CHLSN: variants seen among roughly 807,000 people sequenced by gnomAD.
The protein encoded by CHLSN is protein cholesin.
chr7:1,000,784 C>T, the CHLSN span, among the ~76,000 whole-genome samples: 5 of 152,218 alleles, frequency 3.3e-5, no homozygotes, highest in Admixed American at 3.3e-4. Flanking sequence ...CCACTCTTAC[C>T]TTGGCCACCC....
chr7:986,515 C>T, the CHLSN span: 1 of 1,313,406 alleles, frequency 7.6e-7, no homozygotes, highest in South Asian at 1.3e-5. Context: ...CCAGCACATC[C>T]ACCCAGAGTC....
chr7:1,011,190 C>G, the CHLSN span, among the ~76,000 whole-genome samples: 1 of 140,044 alleles, frequency 7.1e-6, no homozygotes, highest in Non-Finnish European at 1.6e-5. Context: ...CCACACTCAC[C>G]CACCCACACC....
the CHLSN span, among the ~76,000 whole-genome samples, chr7:1,091,066 T>C: frequency 1.3e-5 from 2 of 152,176 alleles, no homozygotes; most frequent in African/African-American, 4.8e-5. Flanking sequence ...AATGCCGTTG[T>C]CCTGGGGCGG....
chr7:986,716 C>A, the CHLSN span: 3 of 1,611,836 alleles, frequency 1.9e-6, no homozygotes, highest in Non-Finnish European at 2.5e-6. Context: ...TTCTGAGGAC[C>A]CTCCTGGAGG....
chr7:1,084,689 G>A, the CHLSN span, among the ~76,000 whole-genome samples: 4 of 152,208 alleles, frequency 2.6e-5, no homozygotes, highest in Admixed American at 1.3e-4. Context: ...TCACAGAACC[G>A]TGTAGACCCA....
chr7:1,032,565 C>T, the CHLSN span, among the ~76,000 whole-genome samples: 2 of 150,136 alleles, frequency 1.3e-5, no homozygotes, highest in South Asian at 2.1e-4. Flanking sequence ...CGCAGCCACC[C>T]GCCCACACCG....
the CHLSN span, among the ~76,000 whole-genome samples, chr7:1,134,490 C>G: frequency 6.6e-6 from 1 of 151,122 alleles, no homozygotes. Flanking sequence ...AGGAGAATCA[C>G]TTGAAACTAT....
the CHLSN span, among the ~76,000 whole-genome samples, chr7:1,097,472 A>G: frequency 6.6e-6 from 1 of 152,196 alleles, no homozygotes; most frequent in Admixed American, 6.5e-5. This position sits in a 1 kb window ranked among gnomAD's most constrained non-coding sequence, Gnocchi z 4.3. Context: ...TCCAACAACA[A>G]ACAGACCTAA....
the CHLSN span, among the ~76,000 whole-genome samples, chr7:982,540 C>T: frequency 6.6e-6 from 1 of 152,258 alleles, no homozygotes; most frequent in African/African-American, 2.4e-5. Flanking sequence ...CCTGTCCTAG[C>T]TCAGAGGGTT....
chr7:1,010,767 G>A, the CHLSN span, among the ~76,000 whole-genome samples: 1 of 152,194 alleles, frequency 6.6e-6, no homozygotes, highest in Admixed American at 6.5e-5. Context: ...ATTAACAAAA[G>A]AAGAGGACGG....
At chr7:988,806 C>T in the CHLSN span, 18 of 1,583,212 alleles carry the variant, frequency 1.1e-5, 1 homozygote, top group African/African-American at 4.0e-5. Context: ...GCCCTGTGTG[C>T]GGTGCCCAGG....
At chr7:985,750 G>A in the CHLSN span, among the ~76,000 whole-genome samples, 1 of 152,172 alleles carries the variant, frequency 6.6e-6, no homozygotes, top group Admixed American at 6.6e-5. Context: ...ATTTCATTTA[G>A]CTTCAAAATG....
At chr7:1,079,241 T>C in the CHLSN span, among the ~76,000 whole-genome samples, 1 of 152,212 alleles carries the variant, frequency 6.6e-6, no homozygotes, top group Non-Finnish European at 1.5e-5. Flanking sequence ...CACCTGAGGC[T>C]GCGGAGGGGC....
At chr7:1,026,611 AGTT>A in the CHLSN span, 4 of 152,350 alleles carry the variant, frequency 2.6e-5, no homozygotes, top group Non-Finnish European at 5.9e-5. Context: ...ATCGGCTCAC[AGTT>A]GCTCCCCATT....
At chr7:1,135,022 G>A in the CHLSN span, among the ~76,000 whole-genome samples, 11 of 152,142 alleles carry the variant, frequency 7.2e-5, no homozygotes, top group Non-Finnish European at 1.5e-4. Context: ...CCAACTCTCA[G>A]TATGCAACTT....
At chr7:1,098,598 G>C in the CHLSN span, among the ~76,000 whole-genome samples, 1 of 152,116 alleles carries the variant, frequency 6.6e-6, no homozygotes, top group African/African-American at 2.4e-5. Flanking sequence ...GCCACGCTCA[G>C]TGAGATAAAG....
At chr7:1,041,980 CCAA>C in the CHLSN span, among the ~76,000 whole-genome samples, 1 of 152,214 alleles carries the variant, frequency 6.6e-6, no homozygotes, top group Non-Finnish European at 1.5e-5. Flanking sequence ...AAGGGCGGCC[CCAA>C]CATCTCCGTG....
At chr7:1,026,666 T>C in the CHLSN span, 1 of 152,206 alleles carries the variant, frequency 6.6e-6, no homozygotes, top group Non-Finnish European at 1.5e-5. Flanking sequence ...ATCACATTAT[T>C]AACGTTTAAA....
chr7:1,033,183 C>G, the CHLSN span, among the ~76,000 whole-genome samples: 1 of 152,212 alleles, frequency 6.6e-6, no homozygotes, highest in Non-Finnish European at 1.5e-5. Flanking sequence ...AAACATCCTA[C>G]TCAGCAACAT....
Sources: allele counts gnomAD v4.1 joint callset (sites outside exome capture counted in the v4.1 genomes callset), GRCh38; gene constraint gnomAD v4.1.1; non-coding constraint Gnocchi (gnomAD v3.1); transcripts MANE v1.5; gene names NCBI Gene and HGNC (gene_info 2026-07-23, HGNC 2026-07-21).